The following CHPT1 variants were observed in gnomAD, a reference collection of about 807,000 sequenced individuals.
The protein encoded by CHPT1 is choline phosphotransferase 1.
Under a neutral mutation model 47.6 loss-of-function variants are expected in CHPT1, and 36 were observed. The ratio of observed to expected loss-of-function variants is 0.76; its 90% CI spans 0.58 to 1.00. CHPT1 has a LOEUF of 1.00. Ranked by LOEUF, CHPT1 falls within the 50% of genes least tolerant of loss-of-function variation. CHPT1 has a pLI of 0.00. For synonymous variants in CHPT1, 194 were observed against 186.3 expected (o/e 1.04, Z -0.33); for missense variants, 458 against 498.1 (o/e 0.92, Z 0.77).
chr12:101,719,176 AAG>A (rs952108901), intron 4 of CHPT1, among the ~76,000 whole-genome samples: 4 of 151,650 alleles, frequency 2.6e-5, no homozygotes, highest in African/African-American at 7.3e-5. Context: ...AAAAAAAAAA[AAG>A]AAGGTAAATG....
chr12:101,722,707 T>TAAAAAAAAAAAAAAAAAA (rs10605402), intron 5 of CHPT1, among the ~76,000 whole-genome samples: 2 of 113,770 alleles, frequency 1.8e-5, no homozygotes, highest in African/African-American at 3.0e-5. Context: ...CACAAAAAAT[T>TAAAAAAAAAAAAAAAAAA]AAAAAAAAAA....
At position 101,723,472 on chromosome 12, in the gene CHPT1, TAA is replaced by T. The variant is rs149394701; in HGVS notation, c.939+147_939+148del. The T allele has an allele frequency of 3.7e-3, 2,315 of 629,152 alleles. 31 individuals are homozygous for T. The highest frequency in any genetic ancestry group is 0.027 in the African/African-American group (1,466 of 53,710). 39.0% of individuals were successfully genotyped at this position (629,152 alleles called of 1,614,324 possible). A position where few individuals can be genotyped will look rare whatever the true frequency, so the allele number is the denominator to read the frequency against. On this transcript the variant is annotated intron_variant, in intron 6 of 8. Transcript: ENST00000229266. ...ATTTGTGCTCCAAGCAAAACTGTGA[TAA>T]GAGTTATATTCAGTTAAATTGTTTA...
chr12:101,701,483 A>G (rs755647326), intron 1 of CHPT1, among the ~76,000 whole-genome samples: 5 of 152,192 alleles, frequency 3.3e-5, no homozygotes, highest in African/African-American at 7.2e-5. Flanking sequence ...ATAAGGTACT[A>G]TTAGTATCAT....
chr12:101,717,307 T>C (rs1228440227), intron 4 of CHPT1: 3 of 454,908 alleles, frequency 6.6e-6, no homozygotes, highest in Non-Finnish European at 1.3e-5. Context: ...TTCATAAAAG[T>C]TGGCTCTTAG....
chr12:101,714,764 C>A, intron 3 of CHPT1, 119 bp downstream of exon 3: 1 of 1,004,960 alleles, frequency 1.0e-6, no homozygotes, highest in Non-Finnish European at 1.4e-6. Context: ...TAAATTAATT[C>A]GTCGGAGTAC....
chr12:101,726,463 A>T (rs1162028829), intron 8 of CHPT1, 59 bp downstream of exon 8: 7 of 1,588,476 alleles, frequency 4.4e-6, no homozygotes, highest in Non-Finnish European at 5.1e-6. Flanking sequence ...AAGTTAGGGG[A>T]ATCTATGAGT....
intron 1 of CHPT1, among the ~76,000 whole-genome samples, chr12:101,699,549 G>T (rs78927086): frequency 6.6e-6 from 1 of 151,768 alleles, no homozygotes; most frequent in Non-Finnish European, 1.5e-5. Context: ...CACCACGCCC[G>T]GCTAATTTTT....
chr12:101,714,369 A>G (rs1951734995), intron 2 of CHPT1, 132 bp downstream of exon 2: 3 of 1,178,580 alleles, frequency 2.5e-6, no homozygotes, highest in African/African-American at 1.6e-5. Context: ...TATGTCAAGA[A>G]TTCATTTTGA....
chr12:101,727,196 A>AACTT (rs10581190), intron 8 of CHPT1: 10 of 151,372 alleles, frequency 6.6e-5, no homozygotes, highest in African/African-American at 2.2e-4. Context: ...AACTTAGAAA[A>AACTT]ACTTACTTGG....
chr12:101,716,778 C>A lies in CHPT1; in HGVS notation c.614C>A (p.Ser205Tyr), dbSNP rs1248955549. ...QIALVIVFVL[S>Y]AFGGATMWDY... ...GCTTTAGTGATTGTCTTTGTGTTGT[C>A]TGCATTTGGAGGAGCAACAATGTGG... The change falls in exon 4 of 9, where the codon TCT (serine) becomes TAT (tyrosine). Residue 205 changes from serine to tyrosine, a missense_variant. Physicochemically the swap from Ser to Tyr is moderately radical, Grantham distance 144 (BLOSUM62 -2). Coordinates refer to ENST00000229266, the MANE Select transcript of CHPT1 (RefSeq NM_020244.3). 6.2e-7 allele frequency: 1 copy of A among 1,607,754 alleles called. No individual in the cohort carries two copies. The highest frequency in any genetic ancestry group is 1.3e-5 in the African/African-American group (1 of 74,796).
intron 8 of CHPT1, chr12:101,727,568 A>G (rs1382971433): frequency 1.3e-5 from 2 of 152,130 alleles, no homozygotes; most frequent in African/African-American, 2.4e-5. Context: ...TGAAGAAAAC[A>G]GTGAAAGATG....
Position 101,723,850 on chromosome 12 carries a change from A to T in CHPT1, c.1065+3A>T, listed in dbSNP as rs759516890. ...ATGTTGTTCTATGGATGGCAATGGT[A>T]AGTATTTTTCTCCATTTTATTTATT... On this transcript the variant is annotated splice_donor_region_variant and intron_variant, in intron 7 of 8. Coordinates refer to ENST00000229266, the MANE Select transcript of CHPT1 (RefSeq NM_020244.3). 2.0e-6 allele frequency: 3 copies of T among 1,499,404 alleles called. No individual in the cohort carries two copies. The highest frequency in any genetic ancestry group is 1.8e-6 in the Non-Finnish European group (2 of 1,090,040). The allele number at this position is 1,499,404 out of a possible 1,614,324, so 92.9% of individuals were successfully genotyped here. A position where few individuals can be genotyped will look rare whatever the true frequency, so the allele number is the denominator to read the frequency against.
rs530999010 is a variant in CHPT1 at position 101,710,105 on chromosome 12, G to T, written c.274-3985G>T. Among the ~76,000 whole-genome samples the T allele has an allele frequency of 3.4e-5, 5 of 149,196 alleles. 2 individuals carry two copies. The highest frequency in any genetic ancestry group is 6.8e-5 in the Admixed American group (1 of 14,736). ...CACGCCTGTAATCCCAGCACTTTGG[G>T]AGGCTGAGGCAGGTGGATCATTTAA... On this transcript the variant is annotated intron_variant, in intron 1 of 8. Coordinates refer to ENST00000229266, the MANE Select transcript of CHPT1 (RefSeq NM_020244.3).
At chr12:101,721,827 G>T (rs545812899) in intron 5 of CHPT1, among the ~76,000 whole-genome samples, 1 of 152,068 alleles carries the variant, frequency 6.6e-6, no homozygotes, top group African/African-American at 2.4e-5. Context: ...TTGGGAGGCC[G>T]AGGCGGGCAG....
Position 101,729,028 on chromosome 12 carries a change from G to GTGTT in CHPT1, c.*84_*87dup. On this transcript the variant is annotated 3_prime_UTR_variant, in exon 9 of 9. Transcript: ENST00000229266. ...AAACATTTGTTTAATTTTTATTTAAGTGTTATACCTATTTCAGCAAATAAA... is the reference window on the plus strand; with the variant it reads ...AAACATTTGTTTAATTTTTATTTAAGTGTTTGTTATACCTATTTCAGCAAATAAA... The GTGTT allele has an allele frequency of 6.2e-7, 1 of 1,610,996 alleles. No individual in the cohort carries two copies.
intron 8 of CHPT1, chr12:101,727,552 G>C (rs1294989715): frequency 1.3e-5 from 2 of 150,574 alleles, no homozygotes; most frequent in African/African-American, 2.4e-5. Flanking sequence ...CAAGAAAAAG[G>C]TATATTGAAG....
chr12:101,716,756 T>C lies in CHPT1; in HGVS notation c.592T>C (p.Leu198=). 1 of 1,608,792 alleles carries C rather than the reference T, an allele frequency of 6.2e-7. No homozygotes were observed. The highest frequency in any genetic ancestry group is 1.1e-5 in the South Asian group (1 of 90,294). The part of the protein sequence containing the change: ...KVDVTEIQIA[L]VIVFVLSAFG... ...GGATGTAACTGAAATTCAGATAGCT[T>C]TAGTGATTGTCTTTGTGTTGTCTGC... The change falls in exon 4 of 9, where the codon TTA becomes CTA. Residue 198 remains leucine, a synonymous_variant. Coordinates refer to ENST00000229266, the MANE Select transcript of CHPT1 (RefSeq NM_020244.3).
chr12:101,723,101 GA>G (rs1951882180), intron 5 of CHPT1, 66 bp from the exon 6 acceptor site: 14 of 1,431,092 alleles, frequency 9.8e-6, no homozygotes, highest in Non-Finnish European at 1.4e-5. Context: ...TAGATGGTCA[GA>G]AAATGTCTAC....
At chr12:101,710,370 A>G (rs890512988) in intron 1 of CHPT1, among the ~76,000 whole-genome samples, 1 of 148,890 alleles carries the variant, frequency 6.7e-6, no homozygotes, top group African/African-American at 2.4e-5. Flanking sequence ...AAAGAAAAGA[A>G]GTGCCCTTTG....
Sources: gnomAD v4.1 joint callset for allele counts (sites outside exome capture counted in the v4.1 genomes callset) on GRCh38, gnomAD v4.1.1 for gene constraint, MANE v1.5 for transcripts, NCBI Gene and HGNC (gene_info 2026-07-23, HGNC 2026-07-21) for gene names.